The following SEC24D variants were observed in gnomAD, a reference collection of about 807,000 sequenced individuals.
SEC24D encodes the protein protein transport protein Sec24D.
A neutral mutation model predicts 116.9 loss-of-function variants in SEC24D; 69 were observed. The observed-to-expected ratio is 0.59, with a 90% confidence interval of 0.49 to 0.72. The LOEUF (loss-of-function observed/expected upper bound fraction) is 0.72. Among genes scored for constraint, SEC24D ranks in the 30% least tolerant of loss-of-function variants. SEC24D has a pLI of 0.00. For missense variants in SEC24D, 1,131 were observed against 1,264.1 expected, an observed-to-expected ratio of 0.89 and a Z score of 1.60; for synonymous variants, 405 against 442.8, an observed-to-expected ratio of 0.91 and a Z score of 1.07.
intron 8 of SEC24D, among the ~76,000 whole-genome samples, chr4:118,789,679 G>T (rs1728809066): frequency 6.6e-6 from 1 of 152,216 alleles, no homozygotes; most frequent in African/African-American, 2.4e-5. Flanking sequence ...CTGCCTCCCG[G>T]GTTTAAGTGA....
intron 13 of SEC24D, among the ~76,000 whole-genome samples, chr4:118,745,650 A>G (rs991168602): frequency 6.6e-6 from 1 of 152,230 alleles, no homozygotes; most frequent in Admixed American, 6.5e-5. Context: ...AGCAACAAAA[A>G]GAAGAGTCAA....
intron 10 of SEC24D, among the ~76,000 whole-genome samples, chr4:118,759,582 G>C (rs1317820281): frequency 6.6e-6 from 1 of 152,134 alleles, no homozygotes; most frequent in African/African-American, 2.4e-5. Context: ...ACAGTGACTT[G>C]AAATAAAAAT....
At chr4:118,779,134 A>T (rs528794444) in intron 8 of SEC24D, among the ~76,000 whole-genome samples, 1 of 152,254 alleles carries the variant, frequency 6.6e-6, no homozygotes, top group South Asian at 2.1e-4. Context: ...AACTTCCAGC[A>T]CTATGTTGAG....
chr4:118,768,721 T>G (rs1231106484), intron 8 of SEC24D, among the ~76,000 whole-genome samples: 1 of 151,630 alleles, frequency 6.6e-6, no homozygotes, highest in Non-Finnish European at 1.5e-5. Flanking sequence ...GGAACTCAAC[T>G]CTTAGCTTTT....
intron 6 of SEC24D, among the ~76,000 whole-genome samples, chr4:118,810,137 T>TGTGTGTGTGTG (rs56961502): frequency 3.3e-4 from 34 of 104,382 alleles, no homozygotes; most frequent in East Asian, 5.8e-4. Flanking sequence ...TGTGTGTGTG[T>TGTGTGTGTGTG]CAGAGGGTAT....
rs1465432065 is a variant in SEC24D, at chr4:118,763,283, G to A, written c.1296+1519C>T. On this transcript the variant is annotated intron_variant, in intron 10 of 22. Transcript: ENST00000280551. ...CATTTTCTTTAACAACTAGTTCTAC[G>A]TAGTATATTGCAAAATAATCATATA... Among the ~76,000 whole-genome samples, 6 of 152,140 alleles carry A rather than the reference G, an allele frequency of 3.9e-5. No individual in the cohort carries two copies. The East Asian group carries it at 7.7e-4, about 20-fold the overall frequency.
rs1292455341 is a variant in SEC24D, at chr4:118,834,745, C to T, written c.-41-1008G>A. Reference sequence around the variant, plus strand: ...TAGAAAATGAAGCCTTTCCAGATTTCCACTGATTCTACAATTTATCTCCAG... The same window carrying T: ...TAGAAAATGAAGCCTTTCCAGATTTTCACTGATTCTACAATTTATCTCCAG... On this transcript the variant is annotated intron_variant, in intron 1 of 22. Coordinates refer to ENST00000280551, the MANE Select transcript of SEC24D (RefSeq NM_014822.4). Among the ~76,000 whole-genome samples the T allele has an allele frequency of 2.0e-5, 3 of 152,162 alleles. No homozygotes were observed. The South Asian group carries it at 6.2e-4, about 32-fold the overall frequency.
At chr4:118,770,204 A>G (rs1359018121) in intron 8 of SEC24D, among the ~76,000 whole-genome samples, 1 of 152,182 alleles carries the variant, frequency 6.6e-6, no homozygotes, top group African/African-American at 2.4e-5. Flanking sequence ...AAATTCATAT[A>G]TCTGATGTAT....
chr4:118,825,012 T>G (rs1174166632), intron 2 of SEC24D, among the ~76,000 whole-genome samples: 3 of 152,084 alleles, frequency 2.0e-5, no homozygotes, highest in Admixed American at 1.3e-4. Context: ...AAAAAATAAA[T>G]TTGCATATGA....
chr4:118,756,376 GT>G (rs1727094266), intron 11 of SEC24D, among the ~76,000 whole-genome samples: 1 of 152,028 alleles, frequency 6.6e-6, no homozygotes. Flanking sequence ...TTAGAATTTA[GT>G]TTGAAATTGC....
chr4:118,765,842 C>G (rs62328156), intron 9 of SEC24D, among the ~76,000 whole-genome samples: 1 of 151,472 alleles, frequency 6.6e-6, no homozygotes, highest in Non-Finnish European at 1.5e-5. Context: ...AAAAAAAACC[C>G]ACTGAGGCTT....
chr4:118,764,006 T>C (rs1197963110), intron 10 of SEC24D, among the ~76,000 whole-genome samples: 1 of 152,120 alleles, frequency 6.6e-6, no homozygotes, highest in Non-Finnish European at 1.5e-5. Context: ...AGGGAGGGGT[T>C]TGCCAGTTGG....
At chr4:118,803,726 C>T (rs1321324806) in intron 7 of SEC24D, among the ~76,000 whole-genome samples, 3 of 152,114 alleles carry the variant, frequency 2.0e-5, no homozygotes, top group Non-Finnish European at 4.4e-5. Flanking sequence ...CTAGCTTTGC[C>T]TCCTACTAGC....
intron 3 of SEC24D, among the ~76,000 whole-genome samples, chr4:118,818,309 G>A (rs560738518): frequency 1.3e-5 from 2 of 151,962 alleles, no homozygotes; most frequent in Admixed American, 1.3e-4. Flanking sequence ...ATTTCCCCAT[G>A]GCCCATGTCT....
At chr4:118,723,932 C>T (rs1019069747) in intron 22 of SEC24D, among the ~76,000 whole-genome samples, 5 of 152,060 alleles carry the variant, frequency 3.3e-5, no homozygotes, top group African/African-American at 1.2e-4. Context: ...TCCCCTGAGC[C>T]TTAAAGGATA....
At chr4:118,743,542 T>C (rs1031329892) in intron 15 of SEC24D, among the ~76,000 whole-genome samples, 5 of 152,124 alleles carry the variant, frequency 3.3e-5, no homozygotes, top group African/African-American at 1.2e-4. Flanking sequence ...TTTTAAATTT[T>C]TTGTAGAGAC....
At chr4:118,824,874 C>T (rs1730534362) in intron 2 of SEC24D, 125 bp from the exon 3 acceptor site, 2 of 829,280 alleles carry the variant, frequency 2.4e-6, no homozygotes, top group South Asian at 4.4e-5. Flanking sequence ...AACAAAATCT[C>T]TTTCAAGCTT....
In SEC24D at chr4:118,773,012, G is replaced by A. The variant is rs1289976346; in HGVS notation, c.1042-4701C>T. 2.6e-5 allele frequency among the ~76,000 whole-genome samples: 4 copies of A among 151,930 alleles called. No individual in the cohort carries two copies. The South Asian group carries it at 6.2e-4, about 24-fold the overall frequency. On this transcript the variant is annotated intron_variant, in intron 8 of 22. Transcript: ENST00000280551. ...ACTCTCCTTATCTTTCAGCACCGGA[G>A]TTCATGTAAGTTCTAATATACACAC...
chr4:118,766,442 C>G (rs369252990), intron 9 of SEC24D: 1 of 152,204 alleles, frequency 6.6e-6, no homozygotes, highest in Non-Finnish European at 1.5e-5. Context: ...CTATGGGAGT[C>G]TGGCTTCCTT....
Sources: gnomAD v4.1 joint callset for allele counts (sites outside exome capture counted in the v4.1 genomes callset) on GRCh38, gnomAD v4.1.1 for gene constraint, MANE v1.5 for transcripts, NCBI Gene and HGNC (gene_info 2026-07-23, HGNC 2026-07-21) for gene names.